TIAM2: variants seen among roughly 807,000 people sequenced by gnomAD.
The protein encoded by TIAM2 is rho guanine nucleotide exchange factor TIAM2.
In TIAM2, 80 loss-of-function variants were observed where a neutral mutation model predicts 152.9. The observed-to-expected ratio is 0.52, with a 90% CI of 0.44 to 0.63. The LOEUF (loss-of-function observed/expected upper bound fraction) is 0.63, where lower values mean the gene tolerates loss of function less well. Among genes scored for constraint, TIAM2 ranks in the 30% least tolerant of loss-of-function variants. The pLI is 0.00. For missense variants in TIAM2, 1,965 were observed against 2,120.1 expected, an observed-to-expected ratio of 0.93 and a Z score of 1.44; for synonymous variants, 804 against 838.0, an observed-to-expected ratio of 0.96 and a Z score of 0.70.
intron 14 of TIAM2, among the ~76,000 whole-genome samples, chr6:155,198,752 T>C (rs1781411155): frequency 1.3e-5 from 2 of 151,484 alleles, no homozygotes; most frequent in South Asian, 4.2e-4. Context: ...AAAGGAATCC[T>C]TGGAACACAT....
At chr6:155,016,829 A>G (rs1778597819) in intron 1 of TIAM2, among the ~76,000 whole-genome samples, 1 of 152,164 alleles carries the variant, frequency 6.6e-6, no homozygotes, top group Non-Finnish European at 1.5e-5. Flanking sequence ...GAACCTGGGA[A>G]GCGGAAGTTG....
rs144940467 is a variant in TIAM2, at chr6:155,129,929, C to T, written c.706C>T (p.Arg236Trp). 1.9e-4 allele frequency: 300 copies of T among 1,614,000 alleles called. 3 individuals are homozygous for T. The African/African-American group carries it at 3.3e-3, about 18-fold the overall frequency. Reference protein sequence around the residue: ...HRPSPTDSRLRSSKGSSLSSE... With the variant: ...HRPSPTDSRLWSSKGSSLSSE... ...CCCCTCTCCCACGGACTCTCGCCTG[C>T]GGTCCAGCAAAGGCAGCTCCCTGAG... Residue 236 changes from arginine (R) to tryptophan (W), a missense_variant, in exon 4 of 27, where the codon CGG becomes TGG. Arg to Trp is a moderately radical substitution (Grantham distance 101, BLOSUM62 -3). This residue lies in a region of TIAM2 where 1,025 missense variants were observed against 1,119.4 expected (regional missense o/e 0.92). Transcript: ENST00000682666. The surrounding 1 kb of genome is among the most constrained non-coding windows in gnomAD (Gnocchi z 4.8).
Position 155,048,228 on chromosome 6 carries a change from C to G in TIAM2, c.-208-42061C>G, listed in dbSNP as rs117986728. On this transcript the variant is annotated intron_variant, in intron 1 of 26. Transcript: ENST00000682666. Reference sequence around the variant, plus strand: ...TTGGACTCCTGAAGTGGTGGGATTACAGGTGTGAGCCACTGTTCCTGCCCT... The same window carrying G: ...TTGGACTCCTGAAGTGGTGGGATTAGAGGTGTGAGCCACTGTTCCTGCCCT... Among the ~76,000 whole-genome samples, 1,255 of 152,206 alleles carry G rather than the reference C, an allele frequency of 8.2e-3. 5 individuals carry two copies. The highest frequency in any genetic ancestry group is 0.013 in the Non-Finnish European group (891 of 67,998).
intron 1 of TIAM2, among the ~76,000 whole-genome samples, chr6:155,029,303 CTA>C (rs1174187982): frequency 5.2e-5 from 6 of 115,498 alleles, no homozygotes; most frequent in Admixed American, 2.4e-4. Flanking sequence ...ACTATATGTA[CTA>C]TGTGTTATAT....
intron 15 of TIAM2, among the ~76,000 whole-genome samples, chr6:155,239,830 C>T (rs975057029): frequency 2.0e-5 from 3 of 152,202 alleles, no homozygotes; most frequent in Non-Finnish European, 2.9e-5. Context: ...CTCTCATCCT[C>T]GCCAGGCCTT....
chr6:155,026,137 C>T (rs1320729815), intron 1 of TIAM2, among the ~76,000 whole-genome samples: 1 of 152,080 alleles, frequency 6.6e-6, no homozygotes, highest in East Asian at 1.9e-4. Context: ...TCAGCTTTGT[C>T]TTCTTAAATT....
intron 1 of TIAM2, among the ~76,000 whole-genome samples, chr6:155,086,470 G>C (rs1013034073): frequency 3.2e-4 from 48 of 152,160 alleles, no homozygotes; most frequent in African/African-American, 1.1e-3. Flanking sequence ...ACTTTGGAAG[G>C]CTGAGGCGGG....
chr6:155,230,624 G>C (rs59223083), intron 15 of TIAM2, among the ~76,000 whole-genome samples: 2,411 of 152,028 alleles, frequency 0.016, 46 homozygotes, highest in South Asian at 0.06. Context: ...TAAGTGGTAG[G>C]AAAAGATTCC....
In TIAM2 at chr6:155,186,419, GC is replaced by G. The variant is rs1300786359; in HGVS notation, c.3064+2921del. 6.6e-6 allele frequency among the ~76,000 whole-genome samples: 1 copy of G among 151,988 alleles called. No individual in the cohort carries two copies. Among genetic ancestry groups the G allele is most frequent in the Non-Finnish European group, 1.5e-5 (1 of 67,978 alleles). On this transcript the variant is annotated intron_variant, in intron 14 of 26. Transcript: ENST00000682666. The surrounding 1 kb of genome is among the most constrained non-coding windows in gnomAD (Gnocchi z 4.5). ...CTCCCATGGGCTTCCTGCCCTTCTT[GC>G]CTCACTGTCCCTACCCCTTCCTTTG...
intron 14 of TIAM2, among the ~76,000 whole-genome samples, chr6:155,192,519 A>G (rs1369640640): frequency 6.6e-6 from 1 of 152,136 alleles, no homozygotes; most frequent in African/African-American, 2.4e-5. Context: ...ATCTATTGAT[A>G]TTGACTGTAT....
At chr6:155,229,712 T>C (rs1782380387) in intron 15 of TIAM2, among the ~76,000 whole-genome samples, 1 of 152,238 alleles carries the variant, frequency 6.6e-6, no homozygotes, top group African/African-American at 2.4e-5. Flanking sequence ...TATTAATTCA[T>C]TTTCATACCA....
intron 1 of TIAM2, among the ~76,000 whole-genome samples, chr6:155,046,460 C>T (rs540301730): frequency 5.8e-4 from 88 of 151,556 alleles, no homozygotes; most frequent in African/African-American, 2.0e-3. Context: ...CTCAGCCTCC[C>T]GAGTAGCTGG....
chr6:155,100,091 G>GTTTTT (rs199900295), intron 2 of TIAM2, among the ~76,000 whole-genome samples: 4,781 of 152,308 alleles, frequency 0.031, 204 homozygotes, highest in African/African-American at 0.1. Flanking sequence ...ACTGTATTAA[G>GTTTTT]TTTTTTAACT....
At chr6:155,044,809 C>A (rs1009164497) in intron 1 of TIAM2, among the ~76,000 whole-genome samples, 4 of 149,564 alleles carry the variant, frequency 2.7e-5, no homozygotes, top group African/African-American at 1.0e-4. Flanking sequence ...GCCTGGGCGA[C>A]AGAGCAAGAC....
At chr6:155,008,484 C>G (rs927827361) in intron 1 of TIAM2, among the ~76,000 whole-genome samples, 2 of 152,204 alleles carry the variant, frequency 1.3e-5, no homozygotes, top group Non-Finnish European at 2.9e-5. Flanking sequence ...GTCTCTGAAC[C>G]AGGTTTTCCT....
At chr6:155,165,141 C>T (rs1780389103) in intron 8 of TIAM2, 122 bp from the exon 9 acceptor site, 2 of 1,033,624 alleles carry the variant, frequency 1.9e-6, no homozygotes, top group Non-Finnish European at 2.8e-6. Flanking sequence ...GTATTTCAGA[C>T]ATGCAGGAGC....
intron 1 of TIAM2, among the ~76,000 whole-genome samples, chr6:155,023,005 G>A (rs1328892649): frequency 6.6e-6 from 1 of 150,738 alleles, no homozygotes; most frequent in Non-Finnish European, 1.5e-5. Flanking sequence ...TTTAAACTAG[G>A]GCACTGAGAG....
chr6:155,052,741 TA>T (rs11324952), intron 1 of TIAM2, among the ~76,000 whole-genome samples: 64,039 of 144,066 alleles, frequency 0.44, 13,950 homozygotes, highest in Middle Eastern at 0.54. Context: ...CAATGCACTC[TA>T]AGCCTGGGGG....
At chr6:155,206,578 C>T (rs1781602399) in intron 14 of TIAM2, among the ~76,000 whole-genome samples, 2 of 152,136 alleles carry the variant, frequency 1.3e-5, no homozygotes, top group Admixed American at 6.5e-5. Context: ...AGCCTGGTCT[C>T]GTGATTGCTC....
Sources: gnomAD v4.1 joint callset for allele counts (sites outside exome capture counted in the v4.1 genomes callset) on GRCh38, gnomAD v4.1.1 for gene constraint, gnomAD v4.1.1 regional missense constraint, Gnocchi (gnomAD v3.1) non-coding constraint, MANE v1.5 for transcripts, NCBI Gene and HGNC (gene_info 2026-07-23, HGNC 2026-07-21) for gene names.